Variants in CSMD1 observed in about 807,000 individuals in gnomAD.
CSMD1 encodes the protein CUB and Sushi multiple domains 1.
Under a neutral mutation model 417.5 loss-of-function variants are expected in CSMD1, and 213 were observed. The observed-to-expected ratio is 0.51, with a 90% CI of 0.46 to 0.57. The LOEUF is 0.57. Among genes scored for constraint, CSMD1 ranks in the 20% least tolerant of loss-of-function variants. CSMD1 has a pLI of 0.00. For missense variants in CSMD1, 6,923 were observed against 4,529.7 expected, an observed-to-expected ratio of 1.53 and a Z score of -15.17; for synonymous variants, 2,862 against 1,736.8, an observed-to-expected ratio of 1.65 and a Z score of -16.11.
At chr8:4,096,277 T>C (rs1226736675) in intron 3 of CSMD1, among the ~76,000 whole-genome samples, 7 of 152,010 alleles carry the variant, frequency 4.6e-5, no homozygotes, top group African/African-American at 1.7e-4. Flanking sequence ...AAGCAGGCCC[T>C]TGGGATGCCA....
chr8:4,421,829 C>G lies in CSMD1; in HGVS notation c.303-1764G>C, dbSNP rs2918047. ...CAGAAAGCAAAAAACAAGAAAAGTA[C>G]AGAAATCAATAAAATTGAAAGAAAA... On this transcript the variant is annotated intron_variant, in intron 2 of 69. Transcript: ENST00000635120. 9.9e-5 allele frequency among the ~76,000 whole-genome samples: 15 copies of G among 151,252 alleles called. No homozygotes were observed. The South Asian group carries it at 3.1e-3, about 32-fold the overall frequency.
At position 4,994,411 on chromosome 8, in the gene CSMD1, A is replaced by T; in HGVS notation, c.6T>A (p.Thr2=). The change falls in exon 1 of 70, where the codon ACT becomes ACA. Residue 2 remains threonine, a synonymous_variant. Transcript: ENST00000635120. ...GCAGCGACTGGAATCTCCTCCACGC[A>T]GTCATGTCTGCAGATACTCCACACG... M[T]AWRRFQSLLL... 4.3e-6 allele frequency: 7 copies of T among 1,611,948 alleles called. No homozygotes were observed. The highest frequency in any genetic ancestry group is 5.9e-6 in the Non-Finnish European group (7 of 1,179,718).
chr8:3,048,389 A>G (rs1811596589), intron 50 of CSMD1, among the ~76,000 whole-genome samples: 1 of 152,206 alleles, frequency 6.6e-6, no homozygotes, highest in Non-Finnish European at 1.5e-5. Context: ...AAGTAGACAA[A>G]TGTGTCAATG....
At chr8:4,080,458 C>CAAT (rs1024016844) in intron 3 of CSMD1, among the ~76,000 whole-genome samples, 1 of 152,156 alleles carries the variant, frequency 6.6e-6, no homozygotes, top group African/African-American at 2.4e-5. Context: ...TACATATGAT[C>CAAT]AATAAGGTTT....
chr8:4,578,805 C>G (rs1451159178), intron 2 of CSMD1, among the ~76,000 whole-genome samples: 3 of 129,248 alleles, frequency 2.3e-5, no homozygotes, highest in Non-Finnish European at 4.7e-5. Context: ...CAGAGATAGA[C>G]TCCACCTCAA....
At chr8:3,413,405 G>A (rs575788311) in intron 12 of CSMD1, among the ~76,000 whole-genome samples, 1 of 152,284 alleles carries the variant, frequency 6.6e-6, no homozygotes, top group East Asian at 1.9e-4. Flanking sequence ...CAAAGAGGCT[G>A]ATGTTTGTTT....
chr8:4,899,381 A>C (rs538040937), intron 1 of CSMD1, among the ~76,000 whole-genome samples: 3 of 152,340 alleles, frequency 2.0e-5, no homozygotes, highest in African/African-American at 7.2e-5. Flanking sequence ...AAATATACTG[A>C]GGAATTATTT....
chr8:4,311,802 G>C (rs1254626800), intron 3 of CSMD1, among the ~76,000 whole-genome samples: 2 of 151,728 alleles, frequency 1.3e-5, no homozygotes, highest in African/African-American at 2.4e-5. Context: ...ACACACACTA[G>C]GGCCTAGTGG....
At chr8:3,478,256 G>C (rs73499635) in intron 11 of CSMD1, among the ~76,000 whole-genome samples, 1 of 152,074 alleles carries the variant, frequency 6.6e-6, no homozygotes, top group Admixed American at 6.5e-5. Flanking sequence ...AATTGTTCAC[G>C]TGCGGAACTG....
intron 7 of CSMD1, among the ~76,000 whole-genome samples, chr8:3,638,525 A>G (rs1797152182): frequency 1.3e-5 from 2 of 152,144 alleles, no homozygotes; most frequent in South Asian, 4.1e-4. Flanking sequence ...ATATTTGGTA[A>G]TTCAGGAGTA....
intron 1 of CSMD1, among the ~76,000 whole-genome samples, chr8:4,646,607 G>A (rs938815008): frequency 6.6e-6 from 1 of 152,178 alleles, no homozygotes; most frequent in Non-Finnish European, 1.5e-5. Flanking sequence ...GTAGATATAT[G>A]AGTGCCATAG....
chr8:4,954,994 T>A (rs1404123577), intron 1 of CSMD1, among the ~76,000 whole-genome samples: 2 of 152,220 alleles, frequency 1.3e-5, no homozygotes, highest in Non-Finnish European at 2.9e-5. Context: ...TTCTGGGTTT[T>A]CAATGTTCTT....
intron 2 of CSMD1, among the ~76,000 whole-genome samples, chr8:4,485,461 A>T (rs1194897786): frequency 6.6e-6 from 1 of 152,152 alleles, no homozygotes; most frequent in Non-Finnish European, 1.5e-5. Context: ...AGTTCCTTCA[A>T]ATATGTGTCT....
At chr8:4,004,096 A>G (rs913566285) in intron 4 of CSMD1, among the ~76,000 whole-genome samples, 6 of 152,192 alleles carry the variant, frequency 3.9e-5, no homozygotes, top group Non-Finnish European at 7.3e-5. Context: ...GAACAAATTT[A>G]TCTACGTTAA....
intron 3 of CSMD1, among the ~76,000 whole-genome samples, chr8:4,123,600 C>T (rs536164049): frequency 1.3e-5 from 2 of 152,100 alleles, no homozygotes; most frequent in East Asian, 1.9e-4. Context: ...GTTTTTATCA[C>T]TTTTGAAAAA....
chr8:4,302,316 A>C (rs1798021264), intron 3 of CSMD1, among the ~76,000 whole-genome samples: 1 of 152,186 alleles, frequency 6.6e-6, no homozygotes, highest in Non-Finnish European at 1.5e-5. Flanking sequence ...TCATTAGCTA[A>C]TAACTGTAAA....
chr8:3,606,933 A>G (rs1037997437), intron 8 of CSMD1, among the ~76,000 whole-genome samples: 1 of 151,848 alleles, frequency 6.6e-6, no homozygotes, highest in African/African-American at 2.4e-5. Context: ...GATGGTCTCG[A>G]TCTCTTAATC....
chr8:2,995,338 A>G (rs117797473), intron 54 of CSMD1, among the ~76,000 whole-genome samples: 111 of 152,354 alleles, frequency 7.3e-4, no homozygotes, highest in Non-Finnish European at 1.2e-3. Context: ...TGAACACCAC[A>G]GAAAGCTATC....
At chr8:3,687,066 T>C (rs77923470) in intron 7 of CSMD1, among the ~76,000 whole-genome samples, 3,898 of 152,300 alleles carry the variant, frequency 0.026, 179 homozygotes, top group African/African-American at 0.088. Flanking sequence ...TGTGACAGTA[T>C]TGGATATCAA....
Sources: allele counts gnomAD v4.1 joint callset (sites outside exome capture counted in the v4.1 genomes callset), GRCh38; gene constraint gnomAD v4.1.1; transcripts MANE v1.5; gene names NCBI Gene and HGNC (gene_info 2026-07-23, HGNC 2026-07-21).